NAALADL2: variants seen among roughly 807,000 people sequenced by gnomAD.
NAALADL2 encodes N-acetylated alpha-linked acidic dipeptidase like 2.
Under a neutral mutation model 87.2 loss-of-function variants are expected in NAALADL2, and 76 were observed. The ratio of observed to expected loss-of-function variants is 0.87; its 90% CI spans 0.72 to 1.05. The LOEUF is 1.05. NAALADL2 is among the 50% of genes least tolerant of loss of function. The probability of loss-of-function intolerance (pLI) is 0.00; values close to 1 mark genes in which losing one functional copy is unlikely to be tolerated. For synonymous variants in NAALADL2, 354 were observed against 331.0 expected (o/e 1.07, Z -0.75); for missense variants, 1,089 against 945.8 (o/e 1.15, Z -1.99).
At chr3:174,512,533 A>C (rs1013477448) in intron 1 of NAALADL2, among the ~76,000 whole-genome samples, 1 of 152,196 alleles carries the variant, frequency 6.6e-6, no homozygotes, top group East Asian at 1.9e-4. Flanking sequence ...AGTGATTTCT[A>C]CTCACACGTC....
intron 12 of NAALADL2, among the ~76,000 whole-genome samples, chr3:175,750,368 A>T (rs1352939810): frequency 6.6e-6 from 1 of 152,072 alleles, no homozygotes; most frequent in Non-Finnish European, 1.5e-5. Context: ...ATCTATTTTG[A>T]TATCTATTGA....
intron 2 of NAALADL2, among the ~76,000 whole-genome samples, chr3:175,107,216 A>C (rs1049869858): frequency 2.0e-5 from 3 of 152,048 alleles, no homozygotes; most frequent in Admixed American, 1.3e-4. Context: ...AGGCATTTTT[A>C]AGATGAGATT....
At chr3:174,603,324 T>A (rs1437313668) in intron 2 of NAALADL2, among the ~76,000 whole-genome samples, 2 of 152,064 alleles carry the variant, frequency 1.3e-5, no homozygotes, top group Non-Finnish European at 2.9e-5. Context: ...GATTTCTTCA[T>A]GGTTTCATCT....
At chr3:174,528,935 C>A (rs1200886313) in intron 1 of NAALADL2, among the ~76,000 whole-genome samples, 1 of 152,088 alleles carries the variant, frequency 6.6e-6, no homozygotes, top group Middle Eastern at 3.2e-3. Context: ...CACAGTCAAA[C>A]CTTATCATTC....
chr3:174,913,410 G>A (rs1460190819), intron 1 of NAALADL2, among the ~76,000 whole-genome samples: 4 of 152,094 alleles, frequency 2.6e-5, no homozygotes, highest in African/African-American at 7.2e-5. Flanking sequence ...AGGAAAAACC[G>A]TGTTTACTGT....
chr3:175,496,750 G>A (rs1728869474), intron 9 of NAALADL2, among the ~76,000 whole-genome samples: 1 of 151,848 alleles, frequency 6.6e-6, no homozygotes, highest in Non-Finnish European at 1.5e-5. Context: ...TGCAGAGACA[G>A]GGTTTTACCA....
chr3:175,503,939 C>A (rs1729910475), intron 9 of NAALADL2, among the ~76,000 whole-genome samples: 1 of 151,980 alleles, frequency 6.6e-6, no homozygotes, highest in Non-Finnish European at 1.5e-5. Flanking sequence ...TTTAATTAGG[C>A]CCTGCTTGTT....
intron 1 of NAALADL2, among the ~76,000 whole-genome samples, chr3:175,013,361 T>G (rs1202802388): frequency 7.4e-6 from 1 of 134,394 alleles, no homozygotes; most frequent in African/African-American, 2.9e-5. Flanking sequence ...TGCAGTGGTG[T>G]GATCTCGGCT....
intron 2 of NAALADL2, among the ~76,000 whole-genome samples, chr3:175,131,595 C>T (rs1233615809): frequency 1.3e-5 from 2 of 152,194 alleles, no homozygotes; most frequent in Admixed American, 6.5e-5. Context: ...CCCCGCCTTT[C>T]CCCGCTTTCT....
intron 11 of NAALADL2, among the ~76,000 whole-genome samples, chr3:175,670,873 C>T (rs1300663418): frequency 2.0e-5 from 3 of 150,926 alleles, no homozygotes; most frequent in African/African-American, 4.9e-5. Context: ...TCAACTCAAA[C>T]GAAAAATATT....
chr3:175,765,327 A>C (rs1748549668), intron 13 of NAALADL2, among the ~76,000 whole-genome samples: 1 of 152,114 alleles, frequency 6.6e-6, no homozygotes, highest in Admixed American at 6.6e-5. Flanking sequence ...ATATTTTTAA[A>C]GTTTCCATTT....
chr3:174,950,516 T>G (rs1740184186), intron 1 of NAALADL2, among the ~76,000 whole-genome samples: 1 of 152,178 alleles, frequency 6.6e-6, no homozygotes, highest in Non-Finnish European at 1.5e-5. Context: ...AAGTGAGCAC[T>G]ATTTTTCTAA....
chr3:175,078,094 T>A (rs916063298), intron 1 of NAALADL2, among the ~76,000 whole-genome samples: 1 of 151,842 alleles, frequency 6.6e-6, no homozygotes, highest in South Asian at 2.1e-4. Context: ...GCATAATCTC[T>A]GATCACTGCA....
In NAALADL2 at chr3:175,627,287, G is replaced by T. The variant is rs777011815; in HGVS notation, c.1801-4G>T. On this transcript the variant is annotated splice_polypyrimidine_tract_variant and splice_region_variant and intron_variant, in intron 10 of 13. Transcript: ENST00000454872. The stretch of plus-strand genomic sequence containing the variant: ...TTAAATGTTTCTTTTTTGATTTGCC[G>T]CAGGGTCCAAGTTTTCTCTCCGAGG... The T allele has an allele frequency of 9.0e-6, 14 of 1,549,500 alleles. No homozygotes were observed. The highest frequency in any genetic ancestry group is 1.0e-5 in the Non-Finnish European group (12 of 1,145,324).
chr3:174,712,377 CT>C (rs1186200735), intron 2 of NAALADL2, among the ~76,000 whole-genome samples: 2 of 110,158 alleles, frequency 1.8e-5, no homozygotes, highest in Non-Finnish European at 3.8e-5. Context: ...CACTTCTCCT[CT>C]TCTTTTTTTT....
intron 1 of NAALADL2, among the ~76,000 whole-genome samples, chr3:175,062,441 G>A (rs1209296357): frequency 6.6e-6 from 1 of 151,170 alleles, no homozygotes; most frequent in Non-Finnish European, 1.5e-5. Context: ...TGTTATCAGT[G>A]CCTCTCCATC....
chr3:175,016,644 G>A (rs1373339074), intron 1 of NAALADL2, among the ~76,000 whole-genome samples: 1 of 151,772 alleles, frequency 6.6e-6, no homozygotes, highest in Non-Finnish European at 1.5e-5. Context: ...AGAATTTTTA[G>A]TATTATTAAG....
intron 10 of NAALADL2, among the ~76,000 whole-genome samples, chr3:175,605,846 C>CA (rs1282497161): frequency 6.6e-6 from 1 of 152,052 alleles, no homozygotes; most frequent in East Asian, 1.9e-4. Flanking sequence ...TATTGGACTA[C>CA]AAATTGCATC....
chr3:175,589,022 A>C (rs1191090147), intron 10 of NAALADL2, among the ~76,000 whole-genome samples: 2 of 152,216 alleles, frequency 1.3e-5, no homozygotes, highest in Non-Finnish European at 2.9e-5. Context: ...AAAATATTTT[A>C]GGCAAAGAAA....
Sources: allele counts gnomAD v4.1 joint callset (sites outside exome capture counted in the v4.1 genomes callset), GRCh38; gene constraint gnomAD v4.1.1; transcripts MANE v1.5; gene names NCBI Gene and HGNC (gene_info 2026-07-23, HGNC 2026-07-21).